TGFBR3: variants seen among roughly 807,000 people sequenced by gnomAD.
TGFBR3 encodes the protein transforming growth factor beta receptor type 3.
In TGFBR3, 46 loss-of-function variants were observed where a neutral mutation model predicts 87.9. That is an observed-to-expected ratio of 0.52 (90% CI 0.41 to 0.67). The LOEUF is 0.67. Among genes scored for constraint, TGFBR3 ranks in the 30% least tolerant of loss-of-function variants. The pLI, the probability that TGFBR3 is intolerant of heterozygous loss-of-function variation, is 0.00. For synonymous variants in TGFBR3, 381 were observed against 391.6 expected, an observed-to-expected ratio of 0.97 and a Z score of 0.32; for missense variants, 866 against 1,041.9, an observed-to-expected ratio of 0.83 and a Z score of 2.32.
At chr1:91,835,782 T>G (rs1171588335) in intron 2 of TGFBR3, among the ~76,000 whole-genome samples, 1 of 133,492 alleles carries the variant, frequency 7.5e-6, no homozygotes, top group African/African-American at 2.8e-5. Flanking sequence ...GAGCCGAGAT[T>G]GTGCCACTGT....
intron 1 of TGFBR3, among the ~76,000 whole-genome samples, chr1:91,885,370 G>GA (rs934124460): frequency 7.5e-6 from 1 of 134,182 alleles, no homozygotes; most frequent in Admixed American, 7.8e-5. Context: ...GGCGGGGGGG[G>GA]GCCGAGCTGC....
intron 1 of TGFBR3, among the ~76,000 whole-genome samples, chr1:91,866,099 T>C (rs1678387980): frequency 6.6e-6 from 1 of 152,112 alleles, no homozygotes; most frequent in South Asian, 2.1e-4. Flanking sequence ...CAAGATTAGC[T>C]GAAAAAATCC....
intron 4 of TGFBR3, among the ~76,000 whole-genome samples, chr1:91,750,863 T>C (rs981038394): frequency 7.2e-5 from 11 of 152,362 alleles, no homozygotes; most frequent in Non-Finnish European, 7.3e-5. Context: ...CTGCCTTGAT[T>C]GCATTTGGAA....
intron 12 of TGFBR3, among the ~76,000 whole-genome samples, chr1:91,715,807 C>T (rs1254670548): frequency 1.3e-5 from 2 of 151,932 alleles, no homozygotes; most frequent in Non-Finnish European, 2.9e-5. Context: ...CGGCATGGAC[C>T]CACAGGGATT....
At chr1:91,752,764 T>G (rs182930813) in intron 4 of TGFBR3, among the ~76,000 whole-genome samples, 157 of 151,962 alleles carry the variant, frequency 1.0e-3, no homozygotes, top group African/African-American at 3.5e-3. Context: ...GGCTCACACC[T>G]GTAATCCCAG....
rs1340488985 is a variant in TGFBR3, at chr1:91,680,986, A to G, written c.*2753T>C. On this transcript the variant is annotated 3_prime_UTR_variant, in exon 17 of 17. Coordinates refer to ENST00000212355, the MANE Select transcript of TGFBR3 (RefSeq NM_003243.5). ...TGAAAAGCTATAGCGTATTATACAG[A>G]CAATCTGCCTTGGAGTTTGGGGCAT... 1.1e-5 allele frequency: 5 copies of G among 454,150 alleles called. No individual in the cohort carries two copies. The highest frequency in any genetic ancestry group is 1.0e-4 in the African/African-American group (5 of 50,132). The allele number at this position is 454,150 out of a possible 1,614,324, so 28.1% of individuals were successfully genotyped here. A position where few individuals can be genotyped will look rare whatever the true frequency, so the allele number is the denominator to read the frequency against.
intron 3 of TGFBR3, among the ~76,000 whole-genome samples, chr1:91,789,492 C>T (rs1042539738): frequency 6.6e-6 from 1 of 152,194 alleles, no homozygotes; most frequent in Non-Finnish European, 1.5e-5. Context: ...AACTTTACAG[C>T]ATCTGGATAT....
rs1480072985 is a variant in TGFBR3 at position 91,886,071 on chromosome 1, G to A, written c.-307C>T. 2 of 453,956 alleles carry A rather than the reference G, an allele frequency of 4.4e-6. No individual in the cohort carries two copies. Among genetic ancestry groups the A allele is most frequent in the Non-Finnish European group, 8.8e-6 (2 of 226,778 alleles). The allele number at this position is 453,956 out of a possible 1,614,324, so 28.1% of individuals were successfully genotyped here. A position where few individuals can be genotyped will look rare whatever the true frequency, so the allele number is the denominator to read the frequency against. ...CGGGAATCGCGCAGGGAAAGTGGCCGGGGCGCGAGAGCCGCCGACTGCCCT... is the reference window on the plus strand; with the variant it reads ...CGGGAATCGCGCAGGGAAAGTGGCCAGGGCGCGAGAGCCGCCGACTGCCCT... On this transcript the variant is annotated 5_prime_UTR_variant, in exon 1 of 17. Coordinates refer to ENST00000212355, the MANE Select transcript of TGFBR3 (RefSeq NM_003243.5).
At chr1:91,848,234 T>G (rs1424256137) in intron 2 of TGFBR3, among the ~76,000 whole-genome samples, 1 of 152,208 alleles carries the variant, frequency 6.6e-6, no homozygotes, top group Non-Finnish European at 1.5e-5. Flanking sequence ...ATTTGTGCAT[T>G]GAGAAAACAG....
At chr1:91,812,705 C>T (rs1170582939) in intron 2 of TGFBR3, among the ~76,000 whole-genome samples, 2 of 152,102 alleles carry the variant, frequency 1.3e-5, no homozygotes, top group Non-Finnish European at 2.9e-5. Flanking sequence ...CTCCGCCTCC[C>T]GGGTTCAAGC....
chr1:91,822,894 C>G (rs912096122), intron 2 of TGFBR3, among the ~76,000 whole-genome samples: 4 of 152,116 alleles, frequency 2.6e-5, no homozygotes, highest in African/African-American at 9.7e-5. Context: ...CCACTGCACT[C>G]CAGCCTGGGT....
At chr1:91,780,551 CTTT>C (rs60294904) in intron 3 of TGFBR3, among the ~76,000 whole-genome samples, 10 of 77,168 alleles carry the variant, frequency 1.3e-4, no homozygotes, top group South Asian at 6.2e-4. Context: ...GGGTCTAAGG[CTTT>C]TTTTTTTTTT....
chr1:91,833,166 G>A (rs1676919591), intron 2 of TGFBR3, among the ~76,000 whole-genome samples: 1 of 151,210 alleles, frequency 6.6e-6, no homozygotes, highest in Admixed American at 6.6e-5. Flanking sequence ...CTTGGTGGCG[G>A]GAGCCTGTAA....
chr1:91,902,271 T>TTTTGTGTGTG (rs534984244), intron 1 of TGFBR3, among the ~76,000 whole-genome samples: 11 of 148,354 alleles, frequency 7.4e-5, no homozygotes, highest in African/African-American at 2.5e-4. Context: ...TCCTTTTCTT[T>TTTTGTGTGTG]TGTGTGTGTG....
intron 8 of TGFBR3, among the ~76,000 whole-genome samples, chr1:91,721,210 T>C (rs1216366921): frequency 2.6e-5 from 4 of 152,126 alleles, no homozygotes; most frequent in Non-Finnish European, 5.9e-5. Flanking sequence ...AGTCATAGCT[T>C]TGTAGGGTTT....
intron 3 of TGFBR3, among the ~76,000 whole-genome samples, chr1:91,794,675 T>G (rs569040509): frequency 1.3e-5 from 2 of 152,336 alleles, no homozygotes; most frequent in African/African-American, 4.8e-5. Context: ...CTTTTTTCAT[T>G]TAGTGGATTT....
chr1:91,716,266 A>G lies in TGFBR3; in HGVS notation c.1836T>C (p.Ser612=). The change falls in exon 12 of 17, where the codon TCT becomes TCC. Residue 612 remains serine, a synonymous_variant. Coordinates refer to ENST00000212355, the MANE Select transcript of TGFBR3 (RefSeq NM_003243.5). ...LFLVPSQGVF[S]VPENGHVYVE... is the part of the protein sequence containing the mutation. ...CATAAACGTGTCCATTCTCTGGCAC[A>G]GAGAAGACGCCCTGGGAGGGCACCA... 2 of 1,614,172 alleles carry G rather than the reference A, an allele frequency of 1.2e-6. No individual in the cohort carries two copies. Among genetic ancestry groups the G allele is most frequent in the African/African-American group, 2.7e-5 (2 of 75,054 alleles).
intron 3 of TGFBR3, among the ~76,000 whole-genome samples, chr1:91,759,145 G>A (rs1007516185): frequency 6.6e-6 from 1 of 152,032 alleles, no homozygotes; most frequent in Non-Finnish European, 1.5e-5. Context: ...ATCCCCTTGG[G>A]GTGGGGTCAT....
At chr1:91,745,331 G>A (rs1673304606) in intron 4 of TGFBR3, among the ~76,000 whole-genome samples, 1 of 152,090 alleles carries the variant, frequency 6.6e-6, no homozygotes, top group Non-Finnish European at 1.5e-5. Context: ...GCAAAACAAG[G>A]AAAACAAAGA....
Sources: gnomAD v4.1 joint callset for allele counts (sites outside exome capture counted in the v4.1 genomes callset) on GRCh38, gnomAD v4.1.1 for gene constraint, MANE v1.5 for transcripts, NCBI Gene and HGNC (gene_info 2026-07-23, HGNC 2026-07-21) for gene names.